The following IFT88 variants were observed in gnomAD, a reference collection of about 807,000 sequenced individuals.
IFT88 encodes the protein intraflagellar transport 88.
Under a neutral mutation model 119.5 loss-of-function variants are expected in IFT88, and 74 were observed. The ratio of observed to expected loss-of-function variants is 0.62; its 90% confidence interval spans 0.51 to 0.75. IFT88 has a LOEUF of 0.75. Among genes scored for constraint, IFT88 ranks in the 30% least tolerant of loss-of-function variants. The pLI, the probability that IFT88 is intolerant of heterozygous loss-of-function variation, is 0.00. For synonymous variants in IFT88, 279 were observed against 316.7 expected (o/e 0.88, Z 1.26); for missense variants, 961 against 977.7 (o/e 0.98, Z 0.23).
intron 18 of IFT88, chr13:20,642,536 A>G: frequency 6.6e-6 from 1 of 152,534 alleles, no homozygotes; most frequent in Non-Finnish European, 1.5e-5. Context: ...CCTGGGAGGC[A>G]GAGGTTGCAG....
At chr13:20,600,655 C>T (rs1566142079) in intron 11 of IFT88, among the ~76,000 whole-genome samples, 1 of 152,132 alleles carries the variant, frequency 6.6e-6, no homozygotes, top group Non-Finnish European at 1.5e-5. Flanking sequence ...AAATTAGAAA[C>T]CTCATTCACT....
chr13:20,656,122 T>TAAAAAAAAAAAAAAAAAAAAA (rs60352862), intron 21 of IFT88, among the ~76,000 whole-genome samples: 1 of 104,768 alleles, frequency 9.5e-6, no homozygotes, highest in African/African-American at 3.8e-5. Context: ...CTCGTCTCTT[T>TAAAAAAAAAAAAAAAAAAAAA]AAAAAAAAAA....
chr13:20,631,067 G>A lies in IFT88; in HGVS notation c.1351G>A (p.Ala451Thr), dbSNP rs1850712016. ...LEKKDSRVKS[A>T]AATNLSALYY... ...AAAAAAGGACAGTAGAGTGAAAAGTGCAGCTGCAACCAATCTCTCAGCCCT... is the reference window on the plus strand; with the variant it reads ...AAAAAAGGACAGTAGAGTGAAAAGTACAGCTGCAACCAATCTCTCAGCCCT... The change falls in exon 16 of 26, where the codon GCA (alanine) becomes ACA (threonine). Residue 451 changes from alanine (A) to threonine (T), a missense_variant. Transcript: ENST00000351808. The A allele has an allele frequency of 6.2e-7, 1 of 1,606,442 alleles. No homozygotes were observed. Among genetic ancestry groups the A allele is most frequent in the Non-Finnish European group, 8.5e-7 (1 of 1,172,998 alleles).
chr13:20,611,367 A>G (rs919474546), intron 13 of IFT88, among the ~76,000 whole-genome samples: 4 of 151,698 alleles, frequency 2.6e-5, no homozygotes, highest in African/African-American at 9.6e-5. Context: ...GTCTCTACAA[A>G]AAAATACAAA....
intron 23 of IFT88, among the ~76,000 whole-genome samples, chr13:20,669,987 A>G (rs2055514148): frequency 6.6e-6 from 1 of 152,248 alleles, no homozygotes; most frequent in South Asian, 2.1e-4. Context: ...TTCATCTTAC[A>G]GAAATGAGTT....
intron 20 of IFT88, among the ~76,000 whole-genome samples, chr13:20,649,363 A>G (rs2051232988): frequency 6.6e-6 from 1 of 152,220 alleles, no homozygotes; most frequent in East Asian, 1.9e-4. Flanking sequence ...AAACTGGAAA[A>G]TTCACAAGTA....
intron 14 of IFT88, among the ~76,000 whole-genome samples, chr13:20,618,730 A>G (rs1480600914): frequency 2.0e-5 from 3 of 152,180 alleles, no homozygotes; most frequent in African/African-American, 4.8e-5. Context: ...GCATAATTCA[A>G]CTGTTCTACT....
intron 24 of IFT88, among the ~76,000 whole-genome samples, chr13:20,676,534 G>T (rs2056685502): frequency 6.6e-6 from 1 of 152,236 alleles, no homozygotes; most frequent in Non-Finnish European, 1.5e-5. Context: ...TGACCTCTGA[G>T]TGTGAGAGCC....
chr13:20,614,261 A>G (rs2045193712), intron 13 of IFT88: 1 of 152,238 alleles, frequency 6.6e-6, no homozygotes, highest in Non-Finnish European at 1.5e-5. Context: ...TAAGGAAAAA[A>G]TCACGATTCA....
chr13:20,571,044 G>T (rs1180935639), intron 1 of IFT88, among the ~76,000 whole-genome samples: 1 of 151,814 alleles, frequency 6.6e-6, no homozygotes, highest in Admixed American at 6.6e-5. Context: ...CCTAGGCAGG[G>T]GTGTGGTGGC....
At chr13:20,664,850 T>C (rs778970493) in intron 23 of IFT88, among the ~76,000 whole-genome samples, 12 of 152,014 alleles carry the variant, frequency 7.9e-5, no homozygotes, top group Non-Finnish European at 1.6e-4. Context: ...GAGGCCAAGG[T>C]GGGCAGATCA....
At chr13:20,613,369 G>T (rs1202091865) in intron 13 of IFT88, among the ~76,000 whole-genome samples, 3 of 152,056 alleles carry the variant, frequency 2.0e-5, no homozygotes, top group African/African-American at 7.2e-5. Context: ...GGGAAATGCA[G>T]CTGAAAACTG....
chr13:20,592,415 C>T lies in IFT88; in HGVS notation c.398+11C>T, dbSNP rs982425826. On this transcript the variant is annotated intron_variant, in intron 7 of 25. Transcript: ENST00000351808. The stretch of plus-strand genomic sequence containing the variant: ...CAAGAAAAAAGATAGGTATGTAAGT[C>T]CTTATGTTGTTGTTTGTTGTTGTTG... 2 of 1,581,902 alleles carry T rather than the reference C, an allele frequency of 1.3e-6. No homozygotes were observed. The highest frequency in any genetic ancestry group is 1.7e-6 in the Non-Finnish European group (2 of 1,162,450).
chr13:20,611,243 A>G (rs985600380), intron 13 of IFT88, among the ~76,000 whole-genome samples: 38 of 151,956 alleles, frequency 2.5e-4, no homozygotes, highest in Non-Finnish European at 4.4e-4. Context: ...AACAAGAAAC[A>G]AGTAGAAAGG....
At chr13:20,682,361 G>A (rs1045763772) in intron 24 of IFT88, among the ~76,000 whole-genome samples, 19 of 152,200 alleles carry the variant, frequency 1.2e-4, no homozygotes, top group African/African-American at 4.6e-4. Flanking sequence ...TTCTCAATCA[G>A]CTGTAAATCT....
chr13:20,666,340 C>T (rs1187116799), intron 23 of IFT88, among the ~76,000 whole-genome samples: 2 of 152,158 alleles, frequency 1.3e-5, no homozygotes, highest in African/African-American at 2.4e-5. Context: ...CAGCAGGGTC[C>T]GACATCCAGC....
chr13:20,654,133 A>G (rs1338716735), intron 21 of IFT88, among the ~76,000 whole-genome samples: 1 of 152,256 alleles, frequency 6.6e-6, no homozygotes, highest in African/African-American at 2.4e-5. Flanking sequence ...TTAATCATGT[A>G]TTCCAATACT....
chr13:20,619,096 T>C (rs2046108538), intron 14 of IFT88, among the ~76,000 whole-genome samples: 1 of 152,132 alleles, frequency 6.6e-6, no homozygotes, highest in African/African-American at 2.4e-5. Flanking sequence ...GACCTCGTGA[T>C]CCACCTGCCT....
chr13:20,656,280 C>A, intron 21 of IFT88, 85 bp from the exon 22 acceptor site: 1 of 488,528 alleles, frequency 2.0e-6, no homozygotes, highest in Non-Finnish European at 3.6e-6. Context: ...ATTAAATAGC[C>A]AGTATATCAG....
Sources: gnomAD v4.1 joint callset for allele counts (sites outside exome capture counted in the v4.1 genomes callset) on GRCh38, gnomAD v4.1.1 for gene constraint, MANE v1.5 for transcripts, NCBI Gene and HGNC (gene_info 2026-07-23, HGNC 2026-07-21) for gene names.